The following HDAC9 variants were observed in gnomAD, a reference collection of about 807,000 sequenced individuals.
HDAC9 encodes the protein histone deacetylase 9, also known as MEF-2 interacting transcription repressor (MITR) protein.
Under a neutral mutation model 139.4 loss-of-function variants are expected in HDAC9, and 41 were observed. The observed-to-expected ratio is 0.29, with a 90% confidence interval of 0.23 to 0.38. The LOEUF is 0.38. HDAC9 is among the 10% of genes least tolerant of loss of function. The pLI, the probability that HDAC9 is intolerant of heterozygous loss-of-function variation, is 1.00. For synonymous variants in HDAC9, 517 were observed against 476.2 expected (o/e 1.09, Z -1.12); for missense variants, 1,147 against 1,297.0 (o/e 0.88, Z 1.78).
intron 1 of HDAC9, among the ~76,000 whole-genome samples, chr7:18,133,812 G>A (rs570069208): frequency 6.4e-4 from 97 of 152,090 alleles, no homozygotes; most frequent in Non-Finnish European, 1.2e-3. Flanking sequence ...ACTATTGGAA[G>A]TTGCTATGGG....
chr7:18,522,389 A>G (rs1257512560), intron 2 of HDAC9, among the ~76,000 whole-genome samples: 2 of 152,144 alleles, frequency 1.3e-5, no homozygotes, highest in African/African-American at 4.8e-5. Flanking sequence ...ACTCTTAAGG[A>G]GCCAGGGCCT....
At chr7:18,313,396 AG>A in intron 1 of HDAC9, among the ~76,000 whole-genome samples, 1 of 152,202 alleles carries the variant, frequency 6.6e-6, no homozygotes, top group Non-Finnish European at 1.5e-5. Flanking sequence ...AAATTCTTTC[AG>A]AAGTGATTTC....
chr7:18,273,398 T>G (rs1796513351), intron 2 of HDAC9, among the ~76,000 whole-genome samples: 1 of 152,096 alleles, frequency 6.6e-6, no homozygotes, highest in South Asian at 2.1e-4. Context: ...TAAGGTATAT[T>G]GTGTATAGCA....
At chr7:18,817,251 G>T (rs1794639010) in intron 17 of HDAC9, among the ~76,000 whole-genome samples, 1 of 152,012 alleles carries the variant, frequency 6.6e-6, no homozygotes, top group African/African-American at 2.4e-5. Context: ...AGCCAGGATG[G>T]TCTCTGTCTC....
At chr7:18,954,459 A>G (rs1043091442) in intron 24 of HDAC9, 3 of 439,420 alleles carry the variant, frequency 6.8e-6, no homozygotes, top group Admixed American at 4.2e-5. Flanking sequence ...TATTTCAGGT[A>G]TTTGGAGTTT....
chr7:18,106,772 C>A (rs973495418), intron 1 of HDAC9, among the ~76,000 whole-genome samples: 1 of 152,070 alleles, frequency 6.6e-6, no homozygotes, highest in Non-Finnish European at 1.5e-5. Context: ...ACATTTCTAC[C>A]AGAAAAGTCC....
chr7:18,342,023 C>T (rs1288569758), intron 1 of HDAC9, among the ~76,000 whole-genome samples: 1 of 151,784 alleles, frequency 6.6e-6, no homozygotes, highest in African/African-American at 2.4e-5. Flanking sequence ...AGGCTTTCCT[C>T]TCATTTCTAG....
At chr7:18,477,047 GA>G (rs75503379) in intron 1 of HDAC9, among the ~76,000 whole-genome samples, 61 of 152,194 alleles carry the variant, frequency 4.0e-4, no homozygotes, top group East Asian at 2.3e-3. Context: ...CTTTGGTACT[GA>G]ACACCCTCTC....
chr7:18,521,658 GATT>G (rs2128216438), intron 2 of HDAC9, among the ~76,000 whole-genome samples: 1 of 152,102 alleles, frequency 6.6e-6, no homozygotes, highest in South Asian at 2.1e-4. Flanking sequence ...GTTCAATTCA[GATT>G]ATGTTTGACT....
intron 1 of HDAC9, among the ~76,000 whole-genome samples, chr7:18,401,458 C>T (rs1231608033): frequency 6.6e-6 from 1 of 152,146 alleles, no homozygotes; most frequent in Admixed American, 6.6e-5. Context: ...GGGAGCTTTG[C>T]ACTTTGCATG....
intron 21 of HDAC9, among the ~76,000 whole-genome samples, chr7:18,837,400 C>A (rs1796309628): frequency 6.6e-6 from 1 of 152,020 alleles, no homozygotes; most frequent in Non-Finnish European, 1.5e-5. Flanking sequence ...ATTACATTTG[C>A]AAATTTCACA....
At chr7:18,648,114 T>C (rs772714027) in intron 10 of HDAC9, 116 bp downstream of exon 10, 326 of 797,230 alleles carry the variant, frequency 4.1e-4, no homozygotes, top group Non-Finnish European at 5.7e-4. Flanking sequence ...TATACAAAAG[T>C]TTCCCTGATA....
intron 17 of HDAC9, among the ~76,000 whole-genome samples, chr7:18,813,267 G>T (rs1193872297): frequency 6.6e-6 from 1 of 152,024 alleles, no homozygotes; most frequent in Non-Finnish European, 1.5e-5. Flanking sequence ...TTGTTTCTTT[G>T]GAGTTTAATT....
At chr7:18,099,257 C>G (rs537688776) in intron 1 of HDAC9, among the ~76,000 whole-genome samples, 1 of 151,936 alleles carries the variant, frequency 6.6e-6, no homozygotes, top group African/African-American at 2.4e-5. Context: ...GTTGAGAGTT[C>G]GACACCAACC....
intron 1 of HDAC9, among the ~76,000 whole-genome samples, chr7:18,348,830 C>G (rs139028824): frequency 2.6e-5 from 4 of 152,238 alleles, no homozygotes; most frequent in African/African-American, 7.2e-5. Context: ...TTACTGTAAT[C>G]CAGGCACAGT....
chr7:18,476,160 G>A lies in HDAC9; in HGVS notation c.-41-20102G>A, dbSNP rs1795096082. On this transcript the variant is annotated intron_variant, in intron 1 of 3. Coordinates refer to the HDAC9 transcript ENST00000413509. ...ATGCTATTATATTTAAATAGAAATA[G>A]CAGGTGTAATGTTTATGCTATGTTA... 2.6e-5 allele frequency among the ~76,000 whole-genome samples: 4 copies of A among 152,056 alleles called. No homozygotes were observed. In the South Asian group the frequency reaches 8.3e-4, roughly 32 times the overall value.
intron 7 of HDAC9, among the ~76,000 whole-genome samples, chr7:18,632,214 T>A (rs549089270): frequency 3.7e-4 from 56 of 152,104 alleles, no homozygotes; most frequent in Non-Finnish European, 7.4e-4. Flanking sequence ...TTAAAAAAAA[T>A]TAATCAAAAT....
intron 6 of HDAC9, among the ~76,000 whole-genome samples, chr7:18,612,605 C>T (rs139300186): frequency 6.6e-6 from 1 of 151,968 alleles, no homozygotes; most frequent in African/African-American, 2.4e-5. Context: ...CTCTGTGATA[C>T]GGAAGGCAGG....
Position 18,496,272 on chromosome 7 carries a change from T to C in HDAC9, c.-31T>C. On this transcript the variant is annotated 5_prime_UTR_variant, in exon 2 of 26. Transcript: ENST00000686413. Reference sequence around the variant, plus strand: ...CCTGTTTTTCCTCAGATGGGGTGGCTGGACGAGAGCAGCTCTTGGCTCAGC... The same window carrying C: ...CCTGTTTTTCCTCAGATGGGGTGGCCGGACGAGAGCAGCTCTTGGCTCAGC... The C allele has an allele frequency of 6.2e-7, 1 of 1,613,190 alleles. No homozygotes were observed. The highest frequency in any genetic ancestry group is 8.5e-7 in the Non-Finnish European group (1 of 1,179,442).
Sources: gnomAD v4.1 joint callset for allele counts (sites outside exome capture counted in the v4.1 genomes callset) on GRCh38, gnomAD v4.1.1 for gene constraint, MANE v1.5 for transcripts, NCBI Gene and HGNC (gene_info 2026-07-23, HGNC 2026-07-21) for gene names.